EPHB1: variants seen among roughly 807,000 people sequenced by gnomAD.
The protein encoded by EPHB1 is EPH receptor B1.
Under a neutral mutation model 94.4 loss-of-function variants are expected in EPHB1, and 30 were observed. That is an observed-to-expected ratio of 0.32 (90% CI 0.24 to 0.43). The LOEUF (loss-of-function observed/expected upper bound fraction) is 0.43, where lower values mean the gene tolerates loss of function less well. Ranked by LOEUF, EPHB1 falls within the 20% of genes least tolerant of loss-of-function variation. The pLI is 1.00. For missense variants in EPHB1, 1,055 were observed against 1,308.3 expected, an observed-to-expected ratio of 0.81 and a Z score of 2.99; for synonymous variants, 522 against 489.1, an observed-to-expected ratio of 1.07 and a Z score of -0.89.
chr3:134,817,285 C>T (rs1021848342), intron 1 of EPHB1, among the ~76,000 whole-genome samples: 2 of 152,212 alleles, frequency 1.3e-5, no homozygotes, highest in East Asian at 1.9e-4. Flanking sequence ...GACATTTTCT[C>T]TCCTCTGTAG....
At chr3:134,882,219 A>G (rs1053933840) in intron 1 of EPHB1, among the ~76,000 whole-genome samples, 1 of 152,258 alleles carries the variant, frequency 6.6e-6, no homozygotes, top group Admixed American at 6.5e-5. Flanking sequence ...TGAATATTTC[A>G]TAAGGTAGAC....
chr3:134,927,949 G>A (rs970923868), intron 2 of EPHB1, among the ~76,000 whole-genome samples: 1 of 152,222 alleles, frequency 6.6e-6, no homozygotes, highest in African/African-American at 2.4e-5. Flanking sequence ...CAAGGACTAT[G>A]CTTCCATCCC....
chr3:135,013,922 T>C (rs970290031), intron 3 of EPHB1, among the ~76,000 whole-genome samples: 4 of 152,220 alleles, frequency 2.6e-5, no homozygotes, highest in African/African-American at 9.6e-5. Flanking sequence ...TGAGATTCTA[T>C]GCTGTGATGA....
At position 135,049,784 on chromosome 3, in the gene EPHB1, C is replaced by T. The variant is rs756714819; in HGVS notation, c.806-56664C>T. ...CTGAGCACCAATTTTGAGTTGGTTT[C>T]TATGTGAGGACACAGGTGACGAAAC... On this transcript the variant is annotated intron_variant, in intron 3 of 15. Coordinates refer to ENST00000398015, the MANE Select transcript of EPHB1 (RefSeq NM_004441.5). 4.6e-4 allele frequency among the ~76,000 whole-genome samples: 70 copies of T among 152,272 alleles called. 1 individual carries two copies. Among genetic ancestry groups the T allele is most frequent in the Non-Finnish European group, 8.5e-4 (58 of 68,032 alleles).
intron 1 of EPHB1, among the ~76,000 whole-genome samples, chr3:134,883,363 A>G (rs922878460): frequency 6.6e-6 from 1 of 152,204 alleles, no homozygotes; most frequent in Non-Finnish European, 1.5e-5. Flanking sequence ...GTTTATACCA[A>G]GTCCCTGATT....
At chr3:135,243,971 C>T (rs1483966121) in intron 13 of EPHB1, among the ~76,000 whole-genome samples, 2 of 152,244 alleles carry the variant, frequency 1.3e-5, no homozygotes, top group East Asian at 3.9e-4. Flanking sequence ...ACTTCCCTCT[C>T]CCCAGTGCAA....
chr3:134,809,874 C>A (rs1049396869), intron 1 of EPHB1, among the ~76,000 whole-genome samples: 3 of 152,220 alleles, frequency 2.0e-5, no homozygotes, highest in Non-Finnish European at 4.4e-5. Context: ...GAAGAGAGTC[C>A]TGTCTTTGGA....
Position 134,882,787 on chromosome 3 carries a change from T to TTTCTTTCTTTCTTTCTTTC in EPHB1, c.59-43026_59-43008dup, listed in dbSNP as rs1560280600. On this transcript the variant is annotated intron_variant, in intron 1 of 15. Transcript: ENST00000398015. ...CTTCCTTTCTTTCTTTCTTTCTTTC[T>TTTCTTTCTTTCTTTCTTTC]TTCTTTCTTTCTTTCTTTCTTTCTT... Among the ~76,000 whole-genome samples, 46 of 68,200 alleles carry TTTCTTTCTTTCTTTCTTTC rather than the reference T, an allele frequency of 6.7e-4. 1 individual carries two copies. The highest frequency in any genetic ancestry group is 2.1e-3 in the African/African-American group (45 of 20,976). The allele number at this position is 68,200 out of a possible 152,430, so 44.7% of individuals were successfully genotyped here.
intron 3 of EPHB1, among the ~76,000 whole-genome samples, chr3:134,975,999 A>C (rs910508264): frequency 2.6e-5 from 4 of 152,228 alleles, no homozygotes; most frequent in Non-Finnish European, 5.9e-5. Context: ...ACCCATAACC[A>C]GAAGTGGGTG....
At chr3:135,198,738 G>A (rs1006987388) in intron 11 of EPHB1, among the ~76,000 whole-genome samples, 11 of 152,176 alleles carry the variant, frequency 7.2e-5, no homozygotes, top group African/African-American at 1.9e-4. Context: ...CATTGCTACC[G>A]TCTTAGGATA....
intron 3 of EPHB1, among the ~76,000 whole-genome samples, chr3:134,982,380 AAGG>A (rs1296373371): frequency 2.0e-5 from 3 of 152,192 alleles, no homozygotes; most frequent in African/African-American, 4.8e-5. Context: ...AGGAGGAGTG[AAGG>A]AGGAGGAGAG....
chr3:134,988,856 G>A (rs1176251381), intron 3 of EPHB1, among the ~76,000 whole-genome samples: 1 of 152,222 alleles, frequency 6.6e-6, no homozygotes, highest in African/African-American at 2.4e-5. Flanking sequence ...TAGAGAAACT[G>A]GTGGGTGGTA....
intron 10 of EPHB1, among the ~76,000 whole-genome samples, chr3:135,185,678 T>G (rs1942308060): frequency 6.6e-6 from 1 of 152,176 alleles, no homozygotes; most frequent in Non-Finnish European, 1.5e-5. Flanking sequence ...GATCCAGATC[T>G]GGAGAATGTA....
rs547018427 is a variant in EPHB1 at position 135,260,427 on chromosome 3, C to A, written c.*1307C>A. ...TAATCTCCTTGCTAATTTTATCTGT[C>A]TAATTAAAAAGAGCAGAAGCATGTC... On this transcript the variant is annotated 3_prime_UTR_variant, in exon 16 of 16. Transcript: ENST00000398015. 1.3e-5 allele frequency: 3 copies of A among 225,596 alleles called. No individual in the cohort carries two copies. Among genetic ancestry groups the A allele is most frequent in the African/African-American group, 6.7e-5 (3 of 44,872 alleles). The allele number at this position is 225,596 out of a possible 1,614,324, so 14.0% of individuals were successfully genotyped here.
intron 4 of EPHB1, among the ~76,000 whole-genome samples, chr3:135,112,658 T>C (rs914331051): frequency 1.3e-5 from 2 of 151,116 alleles, no homozygotes; most frequent in Non-Finnish European, 2.9e-5. Flanking sequence ...TTTGTCCTTG[T>C]GATAGTTTGC....
rs1259218692 is a variant in EPHB1 at position 134,925,962 on chromosome 3, G to A, written c.123+82G>A. ...TATCTAGGGGAGTAGAGACTACCCAGAGCAGTACCTGTGGGGAATGGAATA... is the reference window on the plus strand; with the variant it reads ...TATCTAGGGGAGTAGAGACTACCCAAAGCAGTACCTGTGGGGAATGGAATA... On this transcript the variant is annotated intron_variant, in intron 2 of 15. Coordinates refer to ENST00000398015, the MANE Select transcript of EPHB1 (RefSeq NM_004441.5). 8 of 1,230,832 alleles carry A rather than the reference G, an allele frequency of 6.5e-6. No individual in the cohort carries two copies. The East Asian group carries it at 1.8e-4, about 28-fold the overall frequency. The allele number at this position is 1,230,832 out of a possible 1,614,324, so 76.2% of individuals were successfully genotyped here.
chr3:134,880,816 T>C (rs570336063), intron 1 of EPHB1, among the ~76,000 whole-genome samples: 1 of 152,330 alleles, frequency 6.6e-6, no homozygotes, highest in Non-Finnish European at 1.5e-5. Flanking sequence ...ATCCCAAGTG[T>C]GTCTTCACAC....
At position 135,162,035 on chromosome 3, in the gene EPHB1, C is replaced by T; in HGVS notation, c.1440C>T (p.Asn480=). The T allele has an allele frequency of 1.2e-6, 2 of 1,611,192 alleles. No homozygotes were observed. The highest frequency in any genetic ancestry group is 1.7e-6 in the Non-Finnish European group (2 of 1,178,622). The change falls in exon 7 of 16, where the codon AAC becomes AAT. Residue 480 remains asparagine (N), a synonymous_variant. Transcript: ENST00000398015. ...RYYEKEHNEF[N]SSMARSQTNT... ...TCTTTTAGGAACACAATGAGTTCAA[C>T]TCCTCCATGGCCAGGAGTCAGACCA...
chr3:135,217,917 G>A (rs1432766193), intron 12 of EPHB1, among the ~76,000 whole-genome samples: 1 of 152,180 alleles, frequency 6.6e-6, no homozygotes, highest in Non-Finnish European at 1.5e-5. Context: ...TCATCTGTCA[G>A]AACGGGCAAG....
Sources: gnomAD v4.1 joint callset for allele counts (sites outside exome capture counted in the v4.1 genomes callset) on GRCh38, gnomAD v4.1.1 for gene constraint, MANE v1.5 for transcripts, NCBI Gene and HGNC (gene_info 2026-07-23, HGNC 2026-07-21) for gene names.